ATP8B4: variants seen among roughly 807,000 people sequenced by gnomAD.
ATP8B4 encodes probable phospholipid-transporting ATPase IM.
Under a neutral mutation model 145.6 loss-of-function variants are expected in ATP8B4, and 133 were observed. That is an observed-to-expected ratio of 0.91 (90% CI 0.79 to 1.05). The LOEUF (loss-of-function observed/expected upper bound fraction) is 1.05. Ranked by LOEUF, ATP8B4 falls within the 50% of genes least tolerant of loss-of-function variation. ATP8B4 has a pLI of 0.00. For synonymous variants in ATP8B4, 507 were observed against 492.9 expected, an observed-to-expected ratio of 1.03 and a Z score of -0.38; for missense variants, 1,458 against 1,425.2, an observed-to-expected ratio of 1.02 and a Z score of -0.37.
intron 14 of ATP8B4, among the ~76,000 whole-genome samples, chr15:49,950,978 TG>T (rs1465801146): frequency 6.6e-6 from 1 of 152,210 alleles, no homozygotes; most frequent in African/African-American, 2.4e-5. Flanking sequence ...AGAAGCAGGT[TG>T]TTTAATTTCC....
At chr15:49,953,852 G>A (rs2153496309) in intron 14 of ATP8B4, among the ~76,000 whole-genome samples, 1 of 152,314 alleles carries the variant, frequency 6.6e-6, no homozygotes, top group African/African-American at 2.4e-5. Flanking sequence ...GGGTTGCACA[G>A]TTCTGTGGAA....
intron 2 of ATP8B4, among the ~76,000 whole-genome samples, chr15:50,103,504 A>T (rs1381076569): frequency 6.6e-6 from 1 of 152,160 alleles, no homozygotes; most frequent in Non-Finnish European, 1.5e-5. Flanking sequence ...AGCCATAAAA[A>T]AGATACTTAG....
At chr15:50,139,772 T>C (rs1006120874) in intron 1 of ATP8B4, among the ~76,000 whole-genome samples, 2 of 152,184 alleles carry the variant, frequency 1.3e-5, no homozygotes, top group Admixed American at 6.5e-5. Flanking sequence ...GGAATATGCA[T>C]ATTAGGGGAA....
chr15:50,104,529 T>C (rs941254347), intron 2 of ATP8B4, among the ~76,000 whole-genome samples: 2 of 152,046 alleles, frequency 1.3e-5, no homozygotes, highest in Non-Finnish European at 1.5e-5. Flanking sequence ...AACCACAATG[T>C]GATACCACCT....
intron 23 of ATP8B4, among the ~76,000 whole-genome samples, chr15:49,881,738 C>G (rs892809741): frequency 1.8e-4 from 27 of 152,124 alleles, no homozygotes; most frequent in African/African-American, 6.3e-4. Context: ...CTGAAAGAAG[C>G]CTGAATTTAT....
intron 25 of ATP8B4, among the ~76,000 whole-genome samples, chr15:49,874,109 G>A (rs2034042158): frequency 6.6e-6 from 1 of 152,136 alleles, no homozygotes; most frequent in South Asian, 2.1e-4. Context: ...CAGGTGATGT[G>A]CTCAGCTCTG....
At position 49,936,731 on chromosome 15, in the gene ATP8B4, GTTGT is replaced by G. The variant is rs34851550; in HGVS notation, c.1288-2553_1288-2550del. Among the ~76,000 whole-genome samples the G allele has an allele frequency of 2.5e-3, 385 of 151,206 alleles. 2 individuals are homozygous for G. The highest frequency in any genetic ancestry group is 8.3e-3 in the African/African-American group (344 of 41,204). On this transcript the variant is annotated intron_variant, in intron 14 of 27. Coordinates refer to ENST00000284509, the MANE Select transcript of ATP8B4 (RefSeq NM_024837.4). Reference sequence around the variant, plus strand: ...ATTTTCTCCTCTTCATTATTTTTTGGTTGTTTGTTTGTTTGTTTTTCCATTCTTT... The same window carrying G: ...ATTTTCTCCTCTTCATTATTTTTTGGTTGTTTGTTTGTTTTTCCATTCTTT...
At chr15:50,157,200 T>C (rs747414621) in intron 1 of ATP8B4, among the ~76,000 whole-genome samples, 5 of 152,130 alleles carry the variant, frequency 3.3e-5, no homozygotes, top group Non-Finnish European at 7.4e-5. Flanking sequence ...CCAGAAAAGA[T>C]AGAAAGTTTT....
At position 49,981,214 on chromosome 15, in the gene ATP8B4, C is replaced by G; in HGVS notation, c.829G>C (p.Val277Leu). The G allele has an allele frequency of 6.3e-7, 1 of 1,593,910 alleles. No individual in the cohort carries two copies. Among genetic ancestry groups the G allele is most frequent in the South Asian group, 1.1e-5 (1 of 90,604 alleles). ...CTAGTTTTGTAACTTACCCATAGTA[C>G]TAGAGTATTCATCAATCTATCAATG... ...TSIDRLMNTL[V>L]LWIFGFLICL... Residue 277 changes from valine (V) to leucine (L), a missense_variant, in exon 11 of 28, where the codon GTA becomes CTA. Val to Leu is a conservative substitution (Grantham distance 32, BLOSUM62 1). Coordinates refer to ENST00000284509, the MANE Select transcript of ATP8B4 (RefSeq NM_024837.4).
intron 2 of ATP8B4, among the ~76,000 whole-genome samples, chr15:50,075,567 G>C (rs1246060992): frequency 6.6e-6 from 1 of 152,150 alleles, no homozygotes; most frequent in African/African-American, 2.4e-5. Flanking sequence ...CTCTGTGATG[G>C]TTCCTGTTTT....
In ATP8B4 at chr15:50,129,855, G is replaced by A. The variant is rs975547763; in HGVS notation, c.-42-22847C>T. ...CCCAGCTACTTGGGAAGCTGAGGCA[G>A]GAGAATCGCTTGAACCCAGGAGGCG... On this transcript the variant is annotated intron_variant, in intron 1 of 3. Coordinates refer to the ATP8B4 transcript ENST00000558829. Among the ~76,000 whole-genome samples, 4 of 150,702 alleles carry A rather than the reference G, an allele frequency of 2.7e-5. No individual in the cohort carries two copies. The East Asian group carries it at 7.8e-4, about 29-fold the overall frequency.
intron 9 of ATP8B4, among the ~76,000 whole-genome samples, chr15:49,992,512 A>C (rs2153549449): frequency 6.6e-6 from 1 of 152,274 alleles, no homozygotes; most frequent in South Asian, 2.1e-4. Flanking sequence ...TAGATGCAAA[A>C]GTGAGGAGGC....
intron 1 of ATP8B4, among the ~76,000 whole-genome samples, chr15:50,125,098 G>A (rs906495817): frequency 2.0e-5 from 3 of 152,102 alleles, no homozygotes; most frequent in African/African-American, 7.2e-5. Flanking sequence ...TTTGGCCTCC[G>A]CTTTTTTATA....
At chr15:50,022,386 C>A (rs754135520) in intron 6 of ATP8B4, among the ~76,000 whole-genome samples, 2 of 152,138 alleles carry the variant, frequency 1.3e-5, no homozygotes, top group African/African-American at 2.4e-5. Flanking sequence ...TTGGTTGTCT[C>A]CCTGCCCTAC....
At chr15:50,101,901 C>T (rs1271875346) in intron 2 of ATP8B4, among the ~76,000 whole-genome samples, 1 of 152,040 alleles carries the variant, frequency 6.6e-6, no homozygotes, top group African/African-American at 2.4e-5. Context: ...CTCTCTTAAA[C>T]CACAGTGGAA....
At chr15:49,958,824 A>C (rs1018243179) in intron 14 of ATP8B4, among the ~76,000 whole-genome samples, 2 of 151,996 alleles carry the variant, frequency 1.3e-5, no homozygotes, top group Admixed American at 6.5e-5. Context: ...CTGTAAGAAC[A>C]TTATCTAAGA....
intron 8 of ATP8B4, among the ~76,000 whole-genome samples, chr15:49,997,538 T>C (rs1316041588): frequency 1.3e-5 from 2 of 152,040 alleles, no homozygotes; most frequent in African/African-American, 4.8e-5. Flanking sequence ...AGTCAACAAA[T>C]ATTGATTAAA....
In ATP8B4 at chr15:49,956,900, A is replaced by C. The variant is rs560182891; in HGVS notation, c.1287+5077T>G. ...GAAATTAGAGGGTGAACTTCAGCCAAATAGAAAAATAACTGAAAAAAATAA... is the reference window on the plus strand; with the variant it reads ...GAAATTAGAGGGTGAACTTCAGCCACATAGAAAAATAACTGAAAAAAATAA... On this transcript the variant is annotated intron_variant, in intron 14 of 27. Coordinates refer to ENST00000284509, the MANE Select transcript of ATP8B4 (RefSeq NM_024837.4). Among the ~76,000 whole-genome samples the C allele has an allele frequency of 2.0e-5, 3 of 152,292 alleles. No individual in the cohort carries two copies. The South Asian group carries it at 6.2e-4, about 32-fold the overall frequency.
At chr15:50,066,003 GA>G (rs67307430) in intron 3 of ATP8B4, among the ~76,000 whole-genome samples, 31,051 of 106,054 alleles carry the variant, frequency 0.29, 3,305 homozygotes, top group East Asian at 0.39. Flanking sequence ...TCAGAGGCCA[GA>G]AAAAAAAAAA....
Sources: allele counts gnomAD v4.1 joint callset (sites outside exome capture counted in the v4.1 genomes callset), GRCh38; gene constraint gnomAD v4.1.1; transcripts MANE v1.5; gene names NCBI Gene and HGNC (gene_info 2026-07-23, HGNC 2026-07-21).